The following CLVS2 variants were observed in gnomAD, a reference collection of about 807,000 sequenced individuals.
CLVS2 encodes clavesin-2.
Under a neutral mutation model 29.0 loss-of-function variants are expected in CLVS2, and 19 were observed. The observed-to-expected ratio is 0.66, with a 90% CI of 0.46 to 0.96. CLVS2 has a LOEUF of 0.96. Among genes scored for constraint, CLVS2 ranks in the 40% least tolerant of loss-of-function variants. CLVS2 has a pLI of 0.00. For synonymous variants in CLVS2, 161 were observed against 151.3 expected, an observed-to-expected ratio of 1.06 and a Z score of -0.47; for missense variants, 294 against 404.1, an observed-to-expected ratio of 0.73 and a Z score of 2.34.
chr6:123,005,616 AGAG>A (rs1429344634), intron 2 of CLVS2, among the ~76,000 whole-genome samples: 1 of 152,172 alleles, frequency 6.6e-6, no homozygotes, highest in Non-Finnish European at 1.5e-5. Flanking sequence ...AAGCTATGGT[AGAG>A]GAGGAGATGC....
At chr6:123,062,298 G>A (rs1455556897) in intron 5 of CLVS2, among the ~76,000 whole-genome samples, 3 of 152,050 alleles carry the variant, frequency 2.0e-5, no homozygotes, top group African/African-American at 4.8e-5. Flanking sequence ...TTTTATTCAT[G>A]TACTTTAAAT....
chr6:123,057,720 C>G (rs767330306), intron 5 of CLVS2, among the ~76,000 whole-genome samples: 1 of 152,156 alleles, frequency 6.6e-6, no homozygotes, highest in African/African-American at 2.4e-5. Context: ...TCTCTCCAGG[C>G]TGCTGCACAA....
intron 5 of CLVS2, among the ~76,000 whole-genome samples, chr6:123,058,635 T>C (rs556950165): frequency 1.3e-5 from 2 of 152,212 alleles, no homozygotes; most frequent in African/African-American, 4.8e-5. Context: ...ATGTCACATC[T>C]TGGCTTTATT....
intron 3 of CLVS2, among the ~76,000 whole-genome samples, chr6:123,021,052 G>GGGT (rs1562166436): frequency 1.9e-4 from 10 of 51,996 alleles, no homozygotes; most frequent in African/African-American, 9.4e-4. Flanking sequence ...GAAAGAGTAT[G>GGGT]GGGGGGGTAA....
chr6:123,049,752 G>T (rs1772574944), intron 4 of CLVS2, among the ~76,000 whole-genome samples: 1 of 139,152 alleles, frequency 7.2e-6, no homozygotes, highest in Non-Finnish European at 1.5e-5. Context: ...AGTGCAATAA[G>T]AACACATGGA....
In CLVS2 at chr6:123,055,937, A is replaced by G; in HGVS notation, c.807A>G (p.Glu269=). ...GTWARTLLDH[E]YDDDSEYNVD... is the part of the protein sequence containing the mutation. ...GGGCAAGAACACTGCTAGACCATGA[A>G]TATGACGATGACAGCGAGTACAATG... The change falls in exon 5 of 6, where the codon GAA becomes GAG. Residue 269 remains glutamate (E), a synonymous_variant. Transcript: ENST00000275162. 6.2e-7 allele frequency: 1 copy of G among 1,614,050 alleles called. No homozygotes were observed. Among genetic ancestry groups the G allele is most frequent in the African/African-American group, 1.3e-5 (1 of 75,048 alleles).
chr6:123,051,688 T>C (rs1772614297), intron 4 of CLVS2, among the ~76,000 whole-genome samples: 1 of 152,176 alleles, frequency 6.6e-6, no homozygotes, highest in South Asian at 2.1e-4. Flanking sequence ...TCTGTTCTTT[T>C]TCACTCCAGA....
chr6:123,008,653 C>A (rs4629698), intron 2 of CLVS2, among the ~76,000 whole-genome samples: 111,141 of 151,762 alleles, frequency 0.73, 41,141 homozygotes, highest in East Asian at 0.91. Flanking sequence ...TTTTCTTCAC[C>A]GTGATATTAT....
intron 3 of CLVS2, among the ~76,000 whole-genome samples, chr6:123,035,854 A>G (rs1468796691): frequency 6.6e-6 from 1 of 152,178 alleles, no homozygotes; most frequent in Non-Finnish European, 1.5e-5. Flanking sequence ...GTTGGAAAGA[A>G]CATTTCTTTA....
intron 2 of CLVS2, among the ~76,000 whole-genome samples, chr6:123,004,289 G>A (rs1043094995): frequency 2.0e-5 from 3 of 152,084 alleles, no homozygotes; most frequent in South Asian, 2.1e-4. Flanking sequence ...TTCTTTACCC[G>A]TCTTCTTCAG....
chr6:123,016,653 C>T lies in CLVS2; in HGVS notation c.564+5494C>T, dbSNP rs144520569. 3.2e-4 allele frequency among the ~76,000 whole-genome samples: 49 copies of T among 152,168 alleles called. No homozygotes were observed. The East Asian group carries it at 8.9e-3, about 28-fold the overall frequency. ...TTGGCTGTAACAAGGGATTGAATAG[C>T]TCTTTGAATTGCTACATAAGACTCA... On this transcript the variant is annotated intron_variant, in intron 3 of 5. Coordinates refer to ENST00000275162, the MANE Select transcript of CLVS2 (RefSeq NM_001010852.4).
At chr6:122,999,912 T>A in intron 2 of CLVS2, among the ~76,000 whole-genome samples, 1 of 152,276 alleles carries the variant, frequency 6.6e-6, no homozygotes, top group Middle Eastern at 3.4e-3. Context: ...GAAAGTCACT[T>A]ATAGTTTTCA....
rs544963513 is a variant in CLVS2 at position 123,033,728 on chromosome 6, TA to T, written c.565-14885del. Among the ~76,000 whole-genome samples, 324 of 151,324 alleles carry T rather than the reference TA, an allele frequency of 2.1e-3. 4 individuals carry two copies. Among genetic ancestry groups the T allele is most frequent in the African/African-American group, 7.4e-3 (305 of 41,310 alleles). On this transcript the variant is annotated intron_variant, in intron 3 of 5. Coordinates refer to ENST00000275162, the MANE Select transcript of CLVS2 (RefSeq NM_001010852.4). ...TTGGTAAATTGAACCTCACCAAAAT[TA>T]AAAAAAAATTTGCTCTGTGAAACAT...
intron 2 of CLVS2, among the ~76,000 whole-genome samples, chr6:123,010,014 T>C (rs1774725943): frequency 6.6e-6 from 1 of 152,108 alleles, no homozygotes; most frequent in Non-Finnish European, 1.5e-5. Flanking sequence ...TTCAAAACTT[T>C]GTATTCCCAG....
chr6:123,052,839 A>AAT (rs747309759), intron 4 of CLVS2, among the ~76,000 whole-genome samples: 1 of 140,016 alleles, frequency 7.1e-6, no homozygotes, highest in Non-Finnish European at 1.6e-5. Flanking sequence ...GCAGCCATTG[A>AAT]ATATTTAAGT....
At chr6:123,050,783 A>C (rs1772599551) in intron 4 of CLVS2, among the ~76,000 whole-genome samples, 1 of 152,158 alleles carries the variant, frequency 6.6e-6, no homozygotes, top group Non-Finnish European at 1.5e-5. Context: ...CATTGAATAC[A>C]GGGGTTACTT....
chr6:123,013,391 G>C (rs1774780533), intron 3 of CLVS2, among the ~76,000 whole-genome samples: 1 of 151,950 alleles, frequency 6.6e-6, no homozygotes, highest in African/African-American at 2.4e-5. Flanking sequence ...GAAGAAATGA[G>C]AAGATTTTAA....
intron 5 of CLVS2, among the ~76,000 whole-genome samples, chr6:123,063,305 C>T (rs1054895713): frequency 2.6e-5 from 4 of 152,118 alleles, no homozygotes; most frequent in Non-Finnish European, 2.9e-5. Context: ...AATCATTTCA[C>T]TGTAATTTTT....
intron 2 of CLVS2, among the ~76,000 whole-genome samples, chr6:123,010,180 C>T (rs554460247): frequency 2.4e-4 from 36 of 152,150 alleles, no homozygotes; most frequent in Non-Finnish European, 3.7e-4. Context: ...TAAAATGCCA[C>T]TCAAATTTGG....
Sources: gnomAD v4.1 joint callset for allele counts (sites outside exome capture counted in the v4.1 genomes callset) on GRCh38, gnomAD v4.1.1 for gene constraint, MANE v1.5 for transcripts, NCBI Gene and HGNC (gene_info 2026-07-23, HGNC 2026-07-21) for gene names.